ANGPTL6: variants seen among roughly 807,000 people sequenced by gnomAD.
ANGPTL6 encodes the protein angiopoietin like 6.
A neutral mutation model predicts 47.4 loss-of-function variants in ANGPTL6; 45 were observed. The observed-to-expected ratio is 0.95, with a 90% CI of 0.75 to 1.22. ANGPTL6 has a LOEUF of 1.22. Among genes scored for constraint, ANGPTL6 ranks in the 50% most tolerant of loss-of-function variants. ANGPTL6 has a pLI of 0.00. For missense variants in ANGPTL6, 698 were observed against 669.4 expected (o/e 1.04, Z -0.47); for synonymous variants, 290 against 295.9 (o/e 0.98, Z 0.20).
chr19:10,104,017 C>T (rs1276389574), upstream of ANGPTL6, among the ~76,000 whole-genome samples: 2 of 132,848 alleles, frequency 1.5e-5, no homozygotes, highest in African/African-American at 5.8e-5. Flanking sequence ...CGCTTGAACC[C>T]GGGGGGCGGA....
In ANGPTL6 at chr19:10,096,592, C is replaced by G; in HGVS notation, c.-10-19G>C. 1.4e-6 allele frequency: 2 copies of G among 1,468,502 alleles called. No homozygotes were observed. The highest frequency in any genetic ancestry group is 2.8e-5 in the East Asian group (1 of 35,370). 91.0% of individuals were successfully genotyped at this position (1,468,502 alleles called of 1,614,324 possible). On this transcript the variant is annotated intron_variant, in intron 1 of 5. Transcript: ENST00000253109. ...GGCGGACCTGCAGGCAGAGGAGGAACGGAAGGAAGACGGGGTGCTGGGGCC... is the reference window on the plus strand; with the variant it reads ...GGCGGACCTGCAGGCAGAGGAGGAAGGGAAGGAAGACGGGGTGCTGGGGCC...
upstream of ANGPTL6, among the ~76,000 whole-genome samples, chr19:10,104,174 G>C (rs55961267): frequency 2.5e-3 from 381 of 151,488 alleles, 1 homozygote; most frequent in South Asian, 9.2e-3. Context: ...CAGTATAATA[G>C]AGAAGCATTC....
Position 10,094,939 on chromosome 19 carries a change from C to T in ANGPTL6, c.583-1G>A. ...GCACCAGTGGGGGTGGCGGCAGGAC[C>T]TGGGGTGACGGAGAAAGTCAGGTGT... is the stretch of plus-strand genomic sequence containing the variant. On this transcript the variant is annotated splice_acceptor_variant, in intron 2 of 5. Transcript: ENST00000253109. LOFTEE classifies it high-confidence loss of function. 6.3e-7 allele frequency: 1 copy of T among 1,599,648 alleles called. No individual in the cohort carries two copies. The highest frequency in any genetic ancestry group is 8.5e-7 in the Non-Finnish European group (1 of 1,171,576).
At position 10,101,344 on chromosome 19, in the gene ANGPTL6, G is replaced by C. The variant is rs148472711; in HGVS notation, c.-11+1224C>G. On this transcript the variant is annotated intron_variant, in intron 1 of 5. Coordinates refer to ENST00000253109, the MANE Select transcript of ANGPTL6 (RefSeq NM_031917.3). ...GGATTGCTTGAGCCTAGGAGTTTGA[G>C]ACCAGCCTGGCCAATATGGTGAAAG... Among the ~76,000 whole-genome samples, 408 of 152,186 alleles carry C rather than the reference G, an allele frequency of 2.7e-3. 1 individual carries two copies. The highest frequency in any genetic ancestry group is 4.5e-3 in the Non-Finnish European group (308 of 68,000).
chr19:10,095,932 A>G (rs1380016747), intron 2 of ANGPTL6, 50 bp downstream of exon 2: 7 of 1,122,742 alleles, frequency 6.2e-6, no homozygotes, highest in Non-Finnish European at 8.0e-6. Flanking sequence ...GGGGTTGCAA[A>G]ACCCCCATTT....
At chr19:10,096,670 G>A (rs2088553942) in intron 1 of ANGPTL6, 97 bp from the exon 2 acceptor site, 24 of 957,068 alleles carry the variant, frequency 2.5e-5, no homozygotes, top group Non-Finnish European at 3.5e-5. Context: ...CACCCGCGAT[G>A]TCCCGGGCCC....
At chr19:10,102,133 A>G (rs913859876) in intron 1 of ANGPTL6, among the ~76,000 whole-genome samples, 8 of 150,168 alleles carry the variant, frequency 5.3e-5, no homozygotes, top group Admixed American at 1.3e-4. Context: ...AAAAAAAAAA[A>G]AAAAAGAAAT....
At chr19:10,093,280 T>C in intron 5 of ANGPTL6, 69 bp downstream of exon 5, 1 of 1,551,986 alleles carries the variant, frequency 6.4e-7, no homozygotes, top group Non-Finnish European at 8.7e-7. Context: ...CCCTACCTCC[T>C]TTCATTCCCT....
At chr19:10,092,842 A>G (rs2088426527) in intron 5 of ANGPTL6, 63 bp from the exon 6 acceptor site, 2 of 1,375,640 alleles carry the variant, frequency 1.5e-6, no homozygotes, top group Non-Finnish European at 1.9e-6. Context: ...TGCACCTCAC[A>G]GTGCAAGGCT....
intron 2 of ANGPTL6, among the ~76,000 whole-genome samples, chr19:10,095,377 A>G (rs1429687659): frequency 5.3e-5 from 8 of 152,058 alleles, no homozygotes; most frequent in Admixed American, 2.0e-4. Context: ...GCACCACTGC[A>G]CTCCAGCCTG....
intron 1 of ANGPTL6, among the ~76,000 whole-genome samples, chr19:10,102,029 TG>T (rs1404158944): frequency 1.5e-5 from 2 of 135,186 alleles, no homozygotes; most frequent in Non-Finnish European, 3.1e-5. Flanking sequence ...GGCAGGAGAA[TG>T]GCGTGAACCC....
At chr19:10,103,627 T>TAAA (rs777567160), upstream of ANGPTL6, among the ~76,000 whole-genome samples, 13 of 133,616 alleles carry the variant, frequency 9.7e-5, no homozygotes, top group Non-Finnish European at 2.1e-4. Flanking sequence ...AAATAAATAA[T>TAAA]AAATAAATAA....
chr19:10,105,291 A>C (rs1454719732), upstream of ANGPTL6, among the ~76,000 whole-genome samples: 9 of 152,312 alleles, frequency 5.9e-5, no homozygotes, highest in South Asian at 1.7e-3. Flanking sequence ...TTGGCAGTAG[A>C]GAGGGAGGGA....
upstream of ANGPTL6, among the ~76,000 whole-genome samples, chr19:10,104,841 C>T (rs1237086334): frequency 2.6e-5 from 4 of 152,136 alleles, no homozygotes; most frequent in South Asian, 8.3e-4. Flanking sequence ...CACAGTAGTG[C>T]ACAGATACAA....
intron 2 of ANGPTL6, 71 bp downstream of exon 2, chr19:10,095,911 T>G: frequency 1.1e-6 from 1 of 930,602 alleles, no homozygotes. Flanking sequence ...GAACTGTGGA[T>G]AAGAGATCGT....
At position 10,102,668 on chromosome 19, in the gene ANGPTL6, G is replaced by T; in HGVS notation, c.-111C>A. ...GTGGGGCCTCTGAGCTAGAGACGGG[G>T]AGAGGGCAGTGGGACAGAAGGAGAG... On this transcript the variant is annotated 5_prime_UTR_variant, in exon 1 of 6. Coordinates refer to ENST00000253109, the MANE Select transcript of ANGPTL6 (RefSeq NM_031917.3). The T allele has an allele frequency of 1.0e-6, 1 of 984,862 alleles. No homozygotes were observed. The highest frequency in any genetic ancestry group is 1.2e-6 in the Non-Finnish European group (1 of 829,532). 61.0% of individuals were successfully genotyped at this position (984,862 alleles called of 1,614,324 possible). A position where few individuals can be genotyped will look rare whatever the true frequency, so the allele number is the denominator to read the frequency against.
chr19:10,099,312 C>T (rs1038638486), intron 1 of ANGPTL6, among the ~76,000 whole-genome samples: 1 of 152,176 alleles, frequency 6.6e-6, no homozygotes, highest in African/African-American at 2.4e-5. Context: ...CTTGGTGACT[C>T]ACGCCTGTAA....
Position 10,093,510 on chromosome 19 carries a change from C to T in ANGPTL6, c.1061G>A (p.Gly354Asp), listed in dbSNP as rs769440360. The T allele has an allele frequency of 1.2e-6, 2 of 1,613,366 alleles. No individual in the cohort carries two copies. The highest frequency in any genetic ancestry group is 1.7e-6 in the Non-Finnish European group (2 of 1,179,508). Residue 354 changes from glycine to aspartate, a missense_variant, in exon 5 of 6, where the codon GGC becomes GAC. By Grantham distance (94) the Gly-to-Asp change is moderately conservative. Transcript: ENST00000253109. The part of the protein sequence containing the change: ...ELLVLLEDWG[G>D]RGARAHYDGF... ...ATCATAGTGGGCACGTGCTCCACGG[C>T]CCCCCCAGTCCTCCAGGAGAACCAG...
At chr19:10,099,828 C>CCTCT (rs531456080) in intron 1 of ANGPTL6, among the ~76,000 whole-genome samples, 3 of 137,892 alleles carry the variant, frequency 2.2e-5, no homozygotes, top group African/African-American at 5.4e-5. Flanking sequence ...TCTGTCTCTC[C>CCTCT]CTCTCTCTCT....
Sources: gnomAD v4.1 joint callset for allele counts (sites outside exome capture counted in the v4.1 genomes callset) on GRCh38, gnomAD v4.1.1 for gene constraint, MANE v1.5 for transcripts, NCBI Gene and HGNC (gene_info 2026-07-23, HGNC 2026-07-21) for gene names.